KCNJ6: variants seen among roughly 807,000 people sequenced by gnomAD.
KCNJ6 encodes the protein G protein-activated inward rectifier potassium channel 2.
A neutral mutation model predicts 34.2 loss-of-function variants in KCNJ6; 9 were observed. The ratio of observed to expected loss-of-function variants is 0.26; its 90% CI spans 0.16 to 0.46. The LOEUF (loss-of-function observed/expected upper bound fraction) is 0.46, where lower values mean the gene tolerates loss of function less well. Among genes scored for constraint, KCNJ6 ranks in the 20% least tolerant of loss-of-function variants. The pLI is 1.00. For missense variants in KCNJ6, 236 were observed against 531.3 expected (o/e 0.44, Z 5.46); for synonymous variants, 196 against 207.1 (o/e 0.95, Z 0.46).
At chr21:37,886,427 G>C (rs1047638442) in intron 1 of KCNJ6, among the ~76,000 whole-genome samples, 5 of 152,166 alleles carry the variant, frequency 3.3e-5, no homozygotes, top group African/African-American at 1.2e-4. Context: ...TAAGAAAACA[G>C]AGTTAATAAT....
chr21:37,796,286 T>C (rs187935680), intron 2 of KCNJ6, among the ~76,000 whole-genome samples: 139 of 152,264 alleles, frequency 9.1e-4, no homozygotes, highest in Admixed American at 9.0e-3. Context: ...AGGAGCTTGG[T>C]GTGTTGGAAA....
intron 2 of KCNJ6, among the ~76,000 whole-genome samples, chr21:37,747,072 G>A (rs1465276419): frequency 1.3e-5 from 2 of 152,222 alleles, no homozygotes; most frequent in African/African-American, 2.4e-5. Context: ...AGAAGTACAG[G>A]ATGTGGTCCC....
chr21:37,897,965 G>T (rs2055797237), intron 1 of KCNJ6, among the ~76,000 whole-genome samples: 1 of 152,214 alleles, frequency 6.6e-6, no homozygotes, highest in Non-Finnish European at 1.5e-5. Context: ...TCATGAGAAA[G>T]AAGAAGGGAA....
intron 2 of KCNJ6, among the ~76,000 whole-genome samples, chr21:37,725,042 AT>A (rs1569452623): frequency 1.3e-5 from 2 of 152,252 alleles, no homozygotes; most frequent in Non-Finnish European, 2.9e-5. Context: ...GTAAATGTCT[AT>A]TAAAAAAACA....
At chr21:37,636,409 T>G (rs1008507986) in intron 3 of KCNJ6, among the ~76,000 whole-genome samples, 1 of 152,324 alleles carries the variant, frequency 6.6e-6, no homozygotes, top group Admixed American at 6.5e-5. Flanking sequence ...TGTGTAGGAG[T>G]GTGCGTGTGT....
At chr21:37,849,919 A>G (rs1410543630) in intron 1 of KCNJ6, among the ~76,000 whole-genome samples, 4 of 152,218 alleles carry the variant, frequency 2.6e-5, no homozygotes, top group African/African-American at 4.8e-5. Context: ...GTTTCCAAAA[A>G]GGGTAAAACG....
intron 2 of KCNJ6, among the ~76,000 whole-genome samples, chr21:37,839,565 T>C (rs1025470311): frequency 2.0e-5 from 3 of 152,172 alleles, no homozygotes; most frequent in Non-Finnish European, 2.9e-5. Flanking sequence ...GTGGGCAACA[T>C]TAATGGTTAA....
chr21:37,623,982 T>C lies in KCNJ6; in HGVS notation c.*1177A>G, dbSNP rs2054299874. ...TCACGGCTTTAGACCCAAACCATCTTCTGCTAACTTACCATGTCTCATTGT... is the reference window on the plus strand; with the variant it reads ...TCACGGCTTTAGACCCAAACCATCTCCTGCTAACTTACCATGTCTCATTGT... On this transcript the variant is annotated 3_prime_UTR_variant, in exon 4 of 4. Transcript: ENST00000609713. 1 of 152,214 alleles carries C rather than the reference T, an allele frequency of 6.6e-6. No individual in the cohort carries two copies. The highest frequency in any genetic ancestry group is 1.5e-5 in the Non-Finnish European group (1 of 68,040). The allele number at this position is 152,214 out of a possible 1,614,324, so 9.4% of individuals were successfully genotyped here. A position where few individuals can be genotyped will look rare whatever the true frequency, so the allele number is the denominator to read the frequency against.
intron 1 of KCNJ6, among the ~76,000 whole-genome samples, chr21:37,847,746 CAG>C (rs376943191): frequency 7.8e-6 from 1 of 127,770 alleles, no homozygotes; most frequent in African/African-American, 3.1e-5. Flanking sequence ...AAGGGAGAGA[CAG>C]AGAGAGAGAG....
chr21:37,895,416 T>A (rs1483757359), intron 1 of KCNJ6, among the ~76,000 whole-genome samples: 1 of 152,200 alleles, frequency 6.6e-6, no homozygotes, highest in Non-Finnish European at 1.5e-5. Context: ...ATGACCAGAC[T>A]TTTGAATAGA....
chr21:37,809,382 GGGA>G (rs1266667931), intron 2 of KCNJ6, among the ~76,000 whole-genome samples: 12 of 152,068 alleles, frequency 7.9e-5, no homozygotes, highest in African/African-American at 2.9e-4. Context: ...TTGTGGGGTG[GGGA>G]GAGGGGGGAG....
chr21:37,708,684 C>A lies in KCNJ6; in HGVS notation c.946+5527G>T, dbSNP rs140862364. On this transcript the variant is annotated intron_variant, in intron 3 of 3. Transcript: ENST00000609713. ...GCATTTCAGAGCTCACCAATTAACT[C>A]TTTTCCCAGGCTGGGTGGTTGGGGT... 3.3e-3 allele frequency among the ~76,000 whole-genome samples: 499 copies of A among 152,284 alleles called. 1 individual carries two copies. Among genetic ancestry groups the A allele is most frequent in the African/African-American group, 0.011 (475 of 41,552 alleles).
chr21:37,707,001 A>G (rs2054723367), intron 3 of KCNJ6, among the ~76,000 whole-genome samples: 1 of 152,240 alleles, frequency 6.6e-6, no homozygotes, highest in African/African-American at 2.4e-5. Flanking sequence ...CACTTTCGGT[A>G]GAAATTGGAA....
intron 2 of KCNJ6, among the ~76,000 whole-genome samples, chr21:37,820,446 G>A (rs2055368436): frequency 6.6e-6 from 1 of 152,192 alleles, no homozygotes; most frequent in Non-Finnish European, 1.5e-5. Flanking sequence ...TAGGGACTCT[G>A]TCCTGGAAGC....
At chr21:37,820,165 T>C (rs2055367302) in intron 2 of KCNJ6, among the ~76,000 whole-genome samples, 1 of 152,298 alleles carries the variant, frequency 6.6e-6, no homozygotes, top group South Asian at 2.1e-4. Flanking sequence ...CGGTTGTAAC[T>C]CACAGAAAAT....
chr21:37,633,866 T>C (rs2054344688), intron 3 of KCNJ6, among the ~76,000 whole-genome samples: 1 of 152,106 alleles, frequency 6.6e-6, no homozygotes. Flanking sequence ...ATCCTAAAGA[T>C]GTCAGTTTTT....
At chr21:37,834,796 A>G (rs921727751) in intron 2 of KCNJ6, among the ~76,000 whole-genome samples, 1 of 152,218 alleles carries the variant, frequency 6.6e-6, no homozygotes, top group Non-Finnish European at 1.5e-5. Flanking sequence ...GACAGCCAAG[A>G]CCTCTGAACC....
intron 3 of KCNJ6, among the ~76,000 whole-genome samples, chr21:37,686,232 G>A (rs1156917697): frequency 1.3e-5 from 2 of 152,116 alleles, no homozygotes; most frequent in Admixed American, 1.3e-4. Context: ...TTGCTGTGGG[G>A]TACTCATACG....
At chr21:37,874,862 C>T (rs1218209612) in intron 1 of KCNJ6, among the ~76,000 whole-genome samples, 4 of 152,244 alleles carry the variant, frequency 2.6e-5, no homozygotes, top group East Asian at 1.9e-4. Context: ...CTGCCACCCT[C>T]CTGACCCAAG....
Sources: gnomAD v4.1 joint callset for allele counts (sites outside exome capture counted in the v4.1 genomes callset) on GRCh38, gnomAD v4.1.1 for gene constraint, MANE v1.5 for transcripts, NCBI Gene and HGNC (gene_info 2026-07-23, HGNC 2026-07-21) for gene names.